Variants in MAPK6 observed in about 807,000 individuals in gnomAD.
MAPK6 encodes the protein ERK-3.
In MAPK6, 19 loss-of-function variants were observed where a neutral mutation model predicts 59.3. The observed-to-expected ratio is 0.32, with a 90% confidence interval of 0.22 to 0.47. The LOEUF (loss-of-function observed/expected upper bound fraction) is 0.47, where lower values mean the gene tolerates loss of function less well. MAPK6 is among the 20% of genes least tolerant of loss of function. The pLI is 1.00. For missense variants in MAPK6, 724 were observed against 847.9 expected (o/e 0.85, Z 1.81); for synonymous variants, 316 against 290.3 (o/e 1.09, Z -0.90).
chr15:52,000,023 G>A (rs1477789338), intron 2 of MAPK6, among the ~76,000 whole-genome samples: 6 of 152,194 alleles, frequency 3.9e-5, no homozygotes, highest in Non-Finnish European at 8.8e-5. Flanking sequence ...ACTGCAGCCC[G>A]GACTTCCCAG....
Position 52,061,375 on chromosome 15 carries a change from T to C in MAPK6, c.942T>C (p.Pro314=). The change falls in exon 5 of 6, where the codon CCT becomes CCC. Residue 314 remains proline (P), a synonymous_variant. Transcript: ENST00000261845. The stretch of plus-strand genomic sequence containing the variant: ...CAGCAGAAGAAGCACTCTCCCATCC[T>C]TACATGAGCATATATTCTTTTCCAA... The part of the protein sequence containing the change: ...RLTAEEALSH[P]YMSIYSFPMD... 3.1e-6 allele frequency: 5 copies of C among 1,614,100 alleles called. No individual in the cohort carries two copies. Among genetic ancestry groups the C allele is most frequent in the Non-Finnish European group, 4.2e-6 (5 of 1,179,920 alleles).
At chr15:52,052,690 G>A (rs2141101310) in intron 3 of MAPK6, among the ~76,000 whole-genome samples, 1 of 152,260 alleles carries the variant, frequency 6.6e-6, no homozygotes, top group South Asian at 2.1e-4. Flanking sequence ...GCAATATTTT[G>A]GAGGTTTACC....
intron 1 of MAPK6, 97 bp from the exon 2 acceptor site, chr15:52,045,733 A>G (rs1388975400): frequency 6.6e-6 from 1 of 152,660 alleles, no homozygotes; most frequent in African/African-American, 2.4e-5. Flanking sequence ...TACCAGTAGT[A>G]GTTTATTGCT....
intron 1 of MAPK6, among the ~76,000 whole-genome samples, chr15:52,039,864 G>A (rs1451333850): frequency 2.0e-5 from 3 of 152,156 alleles, no homozygotes; most frequent in African/African-American, 7.2e-5. Context: ...CTCTGACTTT[G>A]AAAGTTTGTC....
intron 1 of MAPK6, among the ~76,000 whole-genome samples, chr15:52,036,935 T>G (rs2141887741): frequency 6.6e-6 from 1 of 152,086 alleles, no homozygotes; most frequent in East Asian, 1.9e-4. Flanking sequence ...CTTCTTCAGT[T>G]TGGAGAAAAT....
At chr15:52,059,429 A>G (rs2032111739) in intron 4 of MAPK6, among the ~76,000 whole-genome samples, 1 of 152,174 alleles carries the variant, frequency 6.6e-6, no homozygotes, top group South Asian at 2.1e-4. Context: ...CACCTGGCCA[A>G]GGAGCACTTT....
intron 3 of MAPK6, among the ~76,000 whole-genome samples, chr15:52,054,873 C>G (rs149856970): frequency 1.3e-5 from 2 of 152,054 alleles, no homozygotes; most frequent in Non-Finnish European, 2.9e-5. Context: ...CTGCAACCTC[C>G]GCCTCCCAGG....
At chr15:51,992,305 A>ATATATATTT (rs572519819) in intron 2 of MAPK6, among the ~76,000 whole-genome samples, 7 of 101,424 alleles carry the variant, frequency 6.9e-5, no homozygotes, top group Non-Finnish European at 1.4e-4. Flanking sequence ...ATATATATAT[A>ATATATATTT]TTTTTTTTTT....
Position 52,046,221 on chromosome 15 carries a change from A to T in MAPK6, c.-240A>T. 2.6e-6 allele frequency: 1 copy of T among 390,472 alleles called. No individual in the cohort carries two copies. The highest frequency in any genetic ancestry group is 4.5e-5 in the East Asian group (1 of 22,282). 24.2% of individuals were successfully genotyped at this position (390,472 alleles called of 1,614,324 possible). A position where few individuals can be genotyped will look rare whatever the true frequency, so the allele number is the denominator to read the frequency against. On this transcript the variant is annotated 5_prime_UTR_variant, in exon 2 of 6. Transcript: ENST00000261845. ...TGCAGAGTTGCTGCCCCTTTCTTGA[A>T]CTATGAGTACTGCAATCTTTTTAAT... is the stretch of plus-strand genomic sequence containing the variant.
At chr15:52,005,731 T>C (rs917592974) in intron 3 of MAPK6, among the ~76,000 whole-genome samples, 17 of 152,102 alleles carry the variant, frequency 1.1e-4, no homozygotes, top group Non-Finnish European at 2.5e-4. Flanking sequence ...ATTTATACCA[T>C]TTTAAAGTTG....
intron 1 of MAPK6, among the ~76,000 whole-genome samples, chr15:52,036,985 C>G (rs1425155791): frequency 6.6e-6 from 1 of 151,990 alleles, no homozygotes; most frequent in African/African-American, 2.4e-5. Flanking sequence ...AAATAACATG[C>G]CATTCTGAAT....
At chr15:52,044,892 A>G (rs1322669675) in intron 1 of MAPK6, among the ~76,000 whole-genome samples, 1 of 148,948 alleles carries the variant, frequency 6.7e-6, no homozygotes, top group Non-Finnish European at 1.5e-5. Flanking sequence ...CCGGGTAATC[A>G]TTATGAATTT....
At chr15:52,059,942 A>G (rs1210234617) in intron 4 of MAPK6, among the ~76,000 whole-genome samples, 2 of 152,220 alleles carry the variant, frequency 1.3e-5, no homozygotes, top group African/African-American at 2.4e-5. Flanking sequence ...CTCACCCCAC[A>G]TTCTTTATGA....
At chr15:51,980,882 G>A (rs1291226307) in intron 1 of MAPK6, among the ~76,000 whole-genome samples, 1 of 151,250 alleles carries the variant, frequency 6.6e-6, no homozygotes, top group East Asian at 2.0e-4. Context: ...ATGAGCCACC[G>A]CACCCAGCCA....
At chr15:52,032,977 G>T (rs146751006) in intron 1 of MAPK6, among the ~76,000 whole-genome samples, 29 of 152,074 alleles carry the variant, frequency 1.9e-4, no homozygotes, top group African/African-American at 7.0e-4. Flanking sequence ...GAGCCACCGC[G>T]CCCGGCCTCC....
chr15:52,040,501 A>C (rs937811485), intron 1 of MAPK6, among the ~76,000 whole-genome samples: 1 of 152,060 alleles, frequency 6.6e-6, no homozygotes, highest in African/African-American at 2.4e-5. Flanking sequence ...AGTAACCTTT[A>C]TGTTTATGGC....
intron 2 of MAPK6, among the ~76,000 whole-genome samples, chr15:52,047,318 T>C (rs1373964032): frequency 1.3e-5 from 2 of 152,280 alleles, no homozygotes; most frequent in East Asian, 1.9e-4. Flanking sequence ...TGGGACAGAA[T>C]TGTGGTAAGA....
rs190588669 is a variant in MAPK6 at position 52,060,173 on chromosome 15, A to G, written c.866-1126A>G. ...AAGATTCCTTGAGCCCAGGAGTTCA[A>G]GGCTACAATGAGCTATGATCATGCT... On this transcript the variant is annotated intron_variant, in intron 4 of 5. Coordinates refer to ENST00000261845, the MANE Select transcript of MAPK6 (RefSeq NM_002748.4). Among the ~76,000 whole-genome samples, 3 of 152,350 alleles carry G rather than the reference A, an allele frequency of 2.0e-5. No individual in the cohort carries two copies. The East Asian group carries it at 5.8e-4, about 29-fold the overall frequency.
intron 2 of MAPK6, among the ~76,000 whole-genome samples, chr15:51,993,666 G>C (rs916891822): frequency 1.3e-5 from 2 of 152,044 alleles, no homozygotes; most frequent in Non-Finnish European, 2.9e-5. Context: ...TCACATATAT[G>C]TACACACATA....
Sources: allele counts gnomAD v4.1 joint callset (sites outside exome capture counted in the v4.1 genomes callset), GRCh38; gene constraint gnomAD v4.1.1; transcripts MANE v1.5; gene names NCBI Gene and HGNC (gene_info 2026-07-23, HGNC 2026-07-21).